The following CLASP2 variants were observed in gnomAD, a reference collection of about 807,000 sequenced individuals.
CLASP2 encodes the protein CLIP-associating protein 2.
CLASP2 carries 47 observed loss-of-function variants against 194.4 expected under a neutral mutation model. The observed-to-expected ratio is 0.24, with a 90% CI of 0.19 to 0.31. The LOEUF (loss-of-function observed/expected upper bound fraction) is 0.31. CLASP2 is among the 10% of genes least tolerant of loss of function. The pLI, the probability that CLASP2 is intolerant of heterozygous loss-of-function variation, is 1.00. For missense variants in CLASP2, 1,445 were observed against 1,823.6 expected (o/e 0.79, Z 3.78); for synonymous variants, 619 against 633.5 (o/e 0.98, Z 0.34).
chr3:33,511,315 C>T (rs2049720391), intron 36 of CLASP2, among the ~76,000 whole-genome samples: 1 of 152,060 alleles, frequency 6.6e-6, no homozygotes, highest in Non-Finnish European at 1.5e-5. Flanking sequence ...GCTGGGATTA[C>T]AAATGTGAGC....
At chr3:33,680,227 C>A (rs558158509) in intron 6 of CLASP2, among the ~76,000 whole-genome samples, 2 of 152,130 alleles carry the variant, frequency 1.3e-5, no homozygotes, top group Non-Finnish European at 2.9e-5. Context: ...TGAAACATTA[C>A]GGATTTTTAA....
At chr3:33,641,403 G>A (rs1161060922) in intron 8 of CLASP2, among the ~76,000 whole-genome samples, 2 of 151,758 alleles carry the variant, frequency 1.3e-5, no homozygotes, top group Non-Finnish European at 1.5e-5. Flanking sequence ...AATTAGTAAG[G>A]CACAAAGGTA....
intron 6 of CLASP2, 37 bp downstream of exon 6, chr3:33,684,322 G>GGA: frequency 3.5e-5 from 34 of 967,242 alleles, no homozygotes; most frequent in Non-Finnish European, 4.6e-5. Context: ...AACTAGTGGT[G>GGA]AAAAAAAAAA....
At chr3:33,593,829 G>A (rs906485020) in intron 20 of CLASP2, among the ~76,000 whole-genome samples, 4 of 152,090 alleles carry the variant, frequency 2.6e-5, no homozygotes, top group Non-Finnish European at 5.9e-5. Flanking sequence ...TCCACAGTGC[G>A]AGAAATCATG....
At chr3:33,557,993 C>T (rs557700652) in intron 29 of CLASP2, among the ~76,000 whole-genome samples, 1 of 152,306 alleles carries the variant, frequency 6.6e-6, no homozygotes, top group East Asian at 1.9e-4. Context: ...AACAGTTTAT[C>T]TTCACAGGTA....
intron 1 of CLASP2, 82 bp downstream of exon 1, chr3:33,717,726 T>C: frequency 1.4e-6 from 2 of 1,452,498 alleles, no homozygotes; most frequent in East Asian, 2.5e-5. Flanking sequence ...GGACGGGAGC[T>C]TTCCCGGCCC....
intron 8 of CLASP2, among the ~76,000 whole-genome samples, chr3:33,643,518 G>T (rs12632571): frequency 0.18 from 28,039 of 151,568 alleles, 2,963 homozygotes; most frequent in Admixed American, 0.31. Flanking sequence ...AAGACAAAAA[G>T]AAAATAATTA....
intron 26 of CLASP2, among the ~76,000 whole-genome samples, chr3:33,567,025 T>A (rs1223294527): frequency 6.6e-6 from 1 of 152,132 alleles, no homozygotes; most frequent in Non-Finnish European, 1.5e-5. Flanking sequence ...CCAGACCCTA[T>A]CAATCCTTGA....
chr3:33,646,317 C>G (rs148456926), intron 7 of CLASP2, among the ~76,000 whole-genome samples: 197 of 152,070 alleles, frequency 1.3e-3, no homozygotes, highest in African/African-American at 4.5e-3. Flanking sequence ...TCTAAAGTCA[C>G]ATTCTATTTC....
At chr3:33,584,682 C>T in intron 22 of CLASP2, 68 bp downstream of exon 22, 3 of 1,377,708 alleles carry the variant, frequency 2.2e-6, no homozygotes, top group Non-Finnish European at 2.9e-6. Flanking sequence ...GTCTTCAATG[C>T]TGCCAAAGCC....
At chr3:33,604,627 T>A (rs2073296162) in intron 16 of CLASP2, among the ~76,000 whole-genome samples, 1 of 152,194 alleles carries the variant, frequency 6.6e-6, no homozygotes, top group South Asian at 2.1e-4. Context: ...AGCTGGTACT[T>A]CCAATTTGAA....
At chr3:33,614,914 C>T (rs1442643355) in intron 12 of CLASP2, among the ~76,000 whole-genome samples, 3 of 152,076 alleles carry the variant, frequency 2.0e-5, no homozygotes, top group Non-Finnish European at 4.4e-5. Context: ...TAGCTTGAAC[C>T]TGGGAGGTAG....
chr3:33,628,011 G>A (rs901899796), intron 9 of CLASP2, among the ~76,000 whole-genome samples: 2 of 152,116 alleles, frequency 1.3e-5, no homozygotes, highest in Non-Finnish European at 2.9e-5. Flanking sequence ...CCATATTGTT[G>A]ACCATGGAAG....
At chr3:33,694,738 T>C (rs1327435911) in intron 2 of CLASP2, among the ~76,000 whole-genome samples, 2 of 152,168 alleles carry the variant, frequency 1.3e-5, no homozygotes, top group African/African-American at 4.8e-5. Flanking sequence ...AATAAGAATT[T>C]TCATGTAAAA....
chr3:33,578,826 T>C (rs973304740), intron 23 of CLASP2, among the ~76,000 whole-genome samples: 2 of 152,152 alleles, frequency 1.3e-5, no homozygotes, highest in African/African-American at 4.8e-5. Flanking sequence ...ATATCTTGGT[T>C]CCAGAAATAC....
At chr3:33,620,656 T>A (rs1419655922) in intron 11 of CLASP2, among the ~76,000 whole-genome samples, 1 of 152,236 alleles carries the variant, frequency 6.6e-6, no homozygotes, top group Non-Finnish European at 1.5e-5. Context: ...AGTTTTACTT[T>A]GGTAGGCAGG....
chr3:33,627,186 A>T, intron 9 of CLASP2, 106 bp from the exon 10 acceptor site: 1 of 705,148 alleles, frequency 1.4e-6, no homozygotes, highest in Non-Finnish European at 2.6e-6. Flanking sequence ...TTTATTTCCC[A>T]TTCTAGCACC....
intron 23 of CLASP2, among the ~76,000 whole-genome samples, chr3:33,578,705 G>C (rs570173560): frequency 6.6e-6 from 1 of 152,228 alleles, no homozygotes; most frequent in African/African-American, 2.4e-5. Context: ...AGGAGGAGTT[G>C]AACAAATTTA....
chr3:33,622,324 C>A, intron 10 of CLASP2, 44 bp from the exon 11 acceptor site: 2 of 1,383,452 alleles, frequency 1.4e-6, no homozygotes, highest in Non-Finnish European at 9.5e-7. Flanking sequence ...GGTGGAAGTG[C>A]AAAAAAAAGA....
Sources: allele counts gnomAD v4.1 joint callset (sites outside exome capture counted in the v4.1 genomes callset), GRCh38; gene constraint gnomAD v4.1.1; transcripts MANE v1.5; gene names NCBI Gene and HGNC (gene_info 2026-07-23, HGNC 2026-07-21).